The following RIPOR3 variants were observed in gnomAD, a reference collection of about 807,000 sequenced individuals.
RIPOR3 encodes the protein family with sequence similarity 65 member C.
A neutral mutation model predicts 114.3 loss-of-function variants in RIPOR3; 95 were observed. That is an observed-to-expected ratio of 0.83 (90% CI 0.70 to 0.99). The LOEUF is 0.99. RIPOR3 is among the 50% of genes least tolerant of loss of function. The pLI, the probability that RIPOR3 is intolerant of heterozygous loss-of-function variation, is 0.00. For synonymous variants in RIPOR3, 575 were observed against 543.8 expected (o/e 1.06, Z -0.80); for missense variants, 1,252 against 1,266.9 (o/e 0.99, Z 0.18).
intron 16 of RIPOR3, 88 bp from the exon 17 acceptor site, chr20:50,594,802 G>C (rs896214277): frequency 6.8e-6 from 10 of 1,465,356 alleles, no homozygotes; most frequent in African/African-American, 2.8e-5. Flanking sequence ...TAGGACCTGA[G>C]GGGGTAGGGA....
intron 1 of RIPOR3, among the ~76,000 whole-genome samples, chr20:50,685,327 C>A (rs1036406534): frequency 6.6e-6 from 1 of 151,330 alleles, no homozygotes. Context: ...AGCGATTCTC[C>A]TGCCTCAGCC....
In RIPOR3 at chr20:50,596,169, G is replaced by T. The variant is rs1036057713; in HGVS notation, c.1885C>A (p.His629Asn). 5.0e-6 allele frequency: 8 copies of T among 1,614,102 alleles called. No individual in the cohort carries two copies. The highest frequency in any genetic ancestry group is 6.8e-6 in the Non-Finnish European group (8 of 1,180,058). The change falls in exon 15 of 22, where the codon CAC (histidine) becomes AAC (asparagine). Residue 629 changes from histidine (H) to asparagine (N), a missense_variant. By Grantham distance (68) the His-to-Asn change is moderately conservative (BLOSUM62 1). Coordinates refer to ENST00000327979, the MANE Select transcript of RIPOR3 (RefSeq NM_001290268.2). ...APELDVLLMV[H>N]LQVCKALLQK... ...AGCAGAGCTTTGCAGACTTGGAGGT[G>T]TACCATCAGCAGCACGTCCAGCTCT... is the stretch of plus-strand genomic sequence containing the variant.
intron 1 of RIPOR3, among the ~76,000 whole-genome samples, chr20:50,674,328 TC>T (rs2086620640): frequency 6.6e-6 from 1 of 151,890 alleles, no homozygotes; most frequent in Non-Finnish European, 1.5e-5. Context: ...TCAGCTCACC[TC>T]TCTGGCCCTC....
At chr20:50,595,904 TGA>T (rs574507718) in intron 15 of RIPOR3, among the ~76,000 whole-genome samples, 1 of 152,174 alleles carries the variant, frequency 6.6e-6, no homozygotes, top group Non-Finnish European at 1.5e-5. Context: ...CACCTATAAA[TGA>T]GAGTCACCAC....
intron 1 of RIPOR3, among the ~76,000 whole-genome samples, chr20:50,665,231 G>C (rs1265515643): frequency 2.7e-5 from 4 of 150,340 alleles, no homozygotes; most frequent in Non-Finnish European, 5.9e-5. Context: ...GAGCCCTAGA[G>C]TTCAAGACCA....
intron 15 of RIPOR3, 115 bp downstream of exon 15, chr20:50,596,025 C>G: frequency 6.9e-7 from 1 of 1,455,998 alleles, no homozygotes; most frequent in Non-Finnish European, 9.3e-7. Context: ...CACGGGCTTC[C>G]AGGATGCAGG....
At chr20:50,638,677 G>T (rs1013919332) in intron 1 of RIPOR3, among the ~76,000 whole-genome samples, 2 of 152,104 alleles carry the variant, frequency 1.3e-5, no homozygotes, top group South Asian at 2.1e-4. Flanking sequence ...GAGCGTGGGG[G>T]TGTGGGGGAT....
chr20:50,664,385 GC>G (rs2086112626), intron 1 of RIPOR3, among the ~76,000 whole-genome samples: 1 of 152,184 alleles, frequency 6.6e-6, no homozygotes, highest in East Asian at 1.9e-4. Flanking sequence ...CATGCTGTGC[GC>G]CACTCCTGAG....
chr20:50,681,606 A>G (rs1382462106), intron 1 of RIPOR3, among the ~76,000 whole-genome samples: 1 of 152,182 alleles, frequency 6.6e-6, no homozygotes, highest in African/African-American at 2.4e-5. Flanking sequence ...GGGCACCTCC[A>G]TTTGCAGGAT....
At chr20:50,663,731 T>C (rs901124813) in intron 1 of RIPOR3, among the ~76,000 whole-genome samples, 3 of 152,126 alleles carry the variant, frequency 2.0e-5, no homozygotes, top group Non-Finnish European at 1.5e-5. Context: ...CAGTATTTAC[T>C]CTCTACTTTC....
intron 4 of RIPOR3, among the ~76,000 whole-genome samples, chr20:50,613,481 T>C (rs542895896): frequency 1.5e-4 from 23 of 150,926 alleles, no homozygotes; most frequent in African/African-American, 4.4e-4. Flanking sequence ...AGAAAAGAAA[T>C]AAATAAAGAA....
At position 50,636,513 on chromosome 20, in the gene RIPOR3, GAC is replaced by G. The variant is rs201974881; in HGVS notation, c.4-5659_4-5658del. On this transcript the variant is annotated intron_variant, in intron 1 of 21. Transcript: ENST00000327979. ...TAACCAGCACTCTGCAGGCATGAGAGACAGTGCAGAGACCCTGCTGGGCCCCA... is the reference window on the plus strand; with the variant it reads ...TAACCAGCACTCTGCAGGCATGAGAGAGTGCAGAGACCCTGCTGGGCCCCA... 1,548 of 970,426 alleles carry G rather than the reference GAC, an allele frequency of 1.6e-3. 18 individuals are homozygous for G. The African/African-American group carries it at 0.023, about 14-fold the overall frequency. 60.1% of individuals were successfully genotyped at this position (970,426 alleles called of 1,614,324 possible).
At position 50,670,580 on chromosome 20, in the gene RIPOR3, G is replaced by A. The variant is rs1002632231; in HGVS notation, c.3+20546C>T. 4.6e-5 allele frequency among the ~76,000 whole-genome samples: 7 copies of A among 152,160 alleles called. No individual in the cohort carries two copies. In the South Asian group the frequency reaches 1.4e-3, roughly 32 times the overall value. On this transcript the variant is annotated intron_variant, in intron 1 of 21. Transcript: ENST00000327979. Reference sequence around the variant, plus strand: ...GACATGTTCTCTGCAGACCCACATGGCAGGTGAGTAAATGTACAGCATGGA... The same window carrying A: ...GACATGTTCTCTGCAGACCCACATGACAGGTGAGTAAATGTACAGCATGGA...
intron 19 of RIPOR3, among the ~76,000 whole-genome samples, chr20:50,590,212 A>G (rs763891447): frequency 6.6e-6 from 1 of 152,206 alleles, no homozygotes; most frequent in Non-Finnish European, 1.5e-5. Flanking sequence ...GTCCAATCCC[A>G]GCGGTGACCC....
chr20:50,596,320 G>A lies in RIPOR3; in HGVS notation c.1791-57C>T, dbSNP rs1457469049. On this transcript the variant is annotated intron_variant, in intron 14 of 21. Coordinates refer to ENST00000327979, the MANE Select transcript of RIPOR3 (RefSeq NM_001290268.2). ...CAGTTAGCAGTTCAGCTCCCTCTGAGGGTGGGGGAACCCTCCCTTCCCAGC... is the reference window on the plus strand; with the variant it reads ...CAGTTAGCAGTTCAGCTCCCTCTGAAGGTGGGGGAACCCTCCCTTCCCAGC... 5.6e-6 allele frequency: 9 copies of A among 1,607,382 alleles called. No individual in the cohort carries two copies. The South Asian group carries it at 8.8e-5, about 16-fold the overall frequency.
chr20:50,602,738 A>G lies in RIPOR3; in HGVS notation c.1087-94T>C. 3 of 964,472 alleles carry G rather than the reference A, an allele frequency of 3.1e-6. No individual in the cohort carries two copies. Among genetic ancestry groups the G allele is most frequent in the Non-Finnish European group, 4.2e-6 (3 of 709,386 alleles). The allele number at this position is 964,472 out of a possible 1,614,324, so 59.7% of individuals were successfully genotyped here. A position where few individuals can be genotyped will look rare whatever the true frequency, so the allele number is the denominator to read the frequency against. On this transcript the variant is annotated intron_variant, in intron 12 of 21. Coordinates refer to ENST00000327979, the MANE Select transcript of RIPOR3 (RefSeq NM_001290268.2). The surrounding 1 kb of genome is among the most constrained non-coding windows in gnomAD (Gnocchi z 4.3). ...TTCCCCTGACAGACACCCGCTGTGC[A>G]TGCCCATGTTCTCAGGATGACTGAG...
rs560933280 is a variant in RIPOR3, at chr20:50,636,996, A to C, written c.4-6140T>G. 3 of 829,178 alleles carry C rather than the reference A, an allele frequency of 3.6e-6. No homozygotes were observed. In the Admixed American group the frequency reaches 1.9e-4, roughly 52 times the overall value. 51.4% of individuals were successfully genotyped at this position (829,178 alleles called of 1,614,324 possible). On this transcript the variant is annotated intron_variant, in intron 1 of 21. Transcript: ENST00000327979. ...GCTTAGTTTGTTTATAGGAGTTTCC[A>C]AAATAGCTCCTTTGGTTTCGCATGA...
In RIPOR3 at chr20:50,602,605, C is replaced by G; in HGVS notation, c.1126G>C (p.Gly376Arg). The G allele has an allele frequency of 6.7e-7, 1 of 1,502,166 alleles. No individual in the cohort carries two copies. Among genetic ancestry groups the G allele is most frequent in the Non-Finnish European group, 8.9e-7 (1 of 1,125,510 alleles). 93.1% of individuals were successfully genotyped at this position (1,502,166 alleles called of 1,614,324 possible). The change falls in exon 13 of 22, where the codon GGT (glycine) becomes CGT (arginine). Residue 376 changes from glycine (G) to arginine (R), a missense_variant. Physicochemically the swap from Gly to Arg is moderately radical, Grantham distance 125 (BLOSUM62 -2). Coordinates refer to ENST00000327979, the MANE Select transcript of RIPOR3 (RefSeq NM_001290268.2). The surrounding 1 kb of genome is among the most constrained non-coding windows in gnomAD (Gnocchi z 4.3). Reference protein sequence around the residue: ...QQPTQQALLLGGPRATSILSY... With the variant: ...QQPTQQALLLRGPRATSILSY... Reference sequence around the variant, plus strand: ...AGGATGGAGGTGGCCCTTGGGCCACCCAGCAGCAAGGCCTGCTGTGTTGGC... The same window carrying G: ...AGGATGGAGGTGGCCCTTGGGCCACGCAGCAGCAAGGCCTGCTGTGTTGGC...
At chr20:50,617,662 G>C (rs1444149976) in intron 3 of RIPOR3, among the ~76,000 whole-genome samples, 1 of 108,142 alleles carries the variant, frequency 9.2e-6, no homozygotes, top group Non-Finnish European at 1.7e-5. Flanking sequence ...GTCTTGCTCT[G>C]TCTCCTAGGC....
Sources: allele counts gnomAD v4.1 joint callset (sites outside exome capture counted in the v4.1 genomes callset), GRCh38; gene constraint gnomAD v4.1.1; non-coding constraint Gnocchi (gnomAD v3.1); transcripts MANE v1.5; gene names NCBI Gene and HGNC (gene_info 2026-07-23, HGNC 2026-07-21).